BIRC6: variants seen among roughly 807,000 people sequenced by gnomAD.
BIRC6 encodes dual E2 ubiquitin-conjugating enzyme/E3 ubiquitin-protein ligase BIRC6.
Under a neutral mutation model 503.3 loss-of-function variants are expected in BIRC6, and 98 were observed. The observed-to-expected ratio is 0.19, with a 90% CI of 0.17 to 0.23. The LOEUF is 0.23. Among genes scored for constraint, BIRC6 ranks in the 10% least tolerant of loss-of-function variants. BIRC6 has a pLI of 1.00. For synonymous variants in BIRC6, 2,240 were observed against 2,078.7 expected (o/e 1.08, Z -2.11); for missense variants, 5,360 against 5,806.0 (o/e 0.92, Z 2.50).
chr2:32,510,096 TC>T, intron 52 of BIRC6, 102 bp downstream of exon 52: 1 of 1,345,602 alleles, frequency 7.4e-7, no homozygotes, highest in Non-Finnish European at 1.0e-6. Context: ...AATTATTTTT[TC>T]TTTTAGTTTA....
Position 32,464,607 on chromosome 2 carries a change from A to C in BIRC6, c.5040A>C (p.Pro1680=). The C allele has an allele frequency of 6.2e-7, 1 of 1,613,828 alleles. No homozygotes were observed. Among genetic ancestry groups the C allele is most frequent in the Admixed American group, 1.7e-5 (1 of 59,992 alleles). ...GPVHNSVPSN[P]VAAPGFFIHP... ...TTCACAACTCTGTGCCTTCCAACCC[A>C]GTGGCTGCCCCTGGATTCTTCATTC... Residue 1680 remains proline (P), a synonymous_variant, in exon 25 of 74, where the codon CCA becomes CCC. Coordinates refer to ENST00000421745, the MANE Select transcript of BIRC6 (RefSeq NM_016252.4).
At chr2:32,575,642 G>C (rs1189304704) in intron 66 of BIRC6, among the ~76,000 whole-genome samples, 2 of 152,184 alleles carry the variant, frequency 1.3e-5, no homozygotes, top group East Asian at 3.9e-4. Context: ...GCGGGCACCT[G>C]TAGTCCCAGC....
chr2:32,540,500 AT>A (rs1293385716), intron 61 of BIRC6, among the ~76,000 whole-genome samples: 1 of 152,008 alleles, frequency 6.6e-6, no homozygotes, highest in Non-Finnish European at 1.5e-5. Context: ...CAGAAATAAA[AT>A]TTCTTTGTTG....
chr2:32,512,469 T>TAA (rs1356049850), intron 53 of BIRC6, among the ~76,000 whole-genome samples: 1 of 152,186 alleles, frequency 6.6e-6, no homozygotes, highest in African/African-American at 2.4e-5. Flanking sequence ...CCTGTATTTT[T>TAA]AAAAGTACTA....
chr2:32,409,452 G>A (rs890912177), intron 9 of BIRC6, among the ~76,000 whole-genome samples: 1 of 152,112 alleles, frequency 6.6e-6, no homozygotes, highest in Non-Finnish European at 1.5e-5. Flanking sequence ...CACTGTGCCC[G>A]GCCTATTGAA....
intron 65 of BIRC6, among the ~76,000 whole-genome samples, chr2:32,556,225 CTG>C (rs1380934350): frequency 2.6e-5 from 4 of 152,062 alleles, no homozygotes; most frequent in African/African-American, 9.7e-5. Flanking sequence ...ATATATGACT[CTG>C]TGTTAAATAA....
At position 32,493,603 on chromosome 2, in the gene BIRC6, T is replaced by G; in HGVS notation, c.8404T>G (p.Ser2802Ala). The change falls in exon 45 of 74, where the codon TCA becomes GCA. Residue 2802 changes from serine to alanine, a missense_variant. Ser to Ala is a moderately conservative substitution (Grantham distance 99, BLOSUM62 1). Coordinates refer to ENST00000421745, the MANE Select transcript of BIRC6 (RefSeq NM_016252.4). ...FLTRLQVHLS[S>A]TCPQIFSEFL... ...TACTCGATTACAAGTGCATCTTTCT[T>G]CAACATGTCCTCAGATATTCAGTGA... 6.2e-7 allele frequency: 1 copy of G among 1,609,382 alleles called. No homozygotes were observed. Among genetic ancestry groups the G allele is most frequent in the Non-Finnish European group, 8.5e-7 (1 of 1,176,732 alleles).
chr2:32,407,926 A>G (rs1411898021), intron 9 of BIRC6, among the ~76,000 whole-genome samples: 1 of 152,050 alleles, frequency 6.6e-6, no homozygotes, highest in East Asian at 1.9e-4. Flanking sequence ...GTTCTTTTGC[A>G]AAAACATAAG....
chr2:32,524,165 C>G (rs1188520268), intron 57 of BIRC6, among the ~76,000 whole-genome samples: 1 of 151,988 alleles, frequency 6.6e-6, no homozygotes, highest in African/African-American at 2.4e-5. Context: ...ATATGATCAC[C>G]CATTTATTTT....
intron 33 of BIRC6, among the ~76,000 whole-genome samples, chr2:32,475,893 A>C (rs1162341104): frequency 6.6e-6 from 1 of 152,050 alleles, no homozygotes; most frequent in East Asian, 1.9e-4. Flanking sequence ...TATTTTTCTC[A>C]TTTATTTAAT....
At chr2:32,381,525 C>T (rs937996148) in intron 3 of BIRC6, among the ~76,000 whole-genome samples, 1 of 151,302 alleles carries the variant, frequency 6.6e-6, no homozygotes, top group African/African-American at 2.4e-5. Context: ...CAGGTGTGAA[C>T]CACTGCACCT....
intron 66 of BIRC6, among the ~76,000 whole-genome samples, chr2:32,590,076 C>T (rs907043301): frequency 5.3e-5 from 8 of 152,104 alleles, no homozygotes; most frequent in South Asian, 4.1e-4. Flanking sequence ...ATTTATAGTA[C>T]GGAGATCTTC....
intron 65 of BIRC6, among the ~76,000 whole-genome samples, chr2:32,550,354 C>T (rs990082594): frequency 1.2e-4 from 18 of 152,160 alleles, no homozygotes; most frequent in East Asian, 5.8e-4. Context: ...GATTATTGCC[C>T]GTATTCCCCA....
Position 32,535,894 on chromosome 2 carries a change from A to C in BIRC6, c.12291+4343A>C, listed in dbSNP as rs551427545. On this transcript the variant is annotated intron_variant, in intron 61 of 73. Transcript: ENST00000421745. ...AGGAATTGCTACACTGACTTCCACA[A>C]TGGTTGAACTAGTTTACAGTCCCAC... is the stretch of plus-strand genomic sequence containing the variant. Among the ~76,000 whole-genome samples the C allele has an allele frequency of 5.4e-4, 82 of 152,340 alleles. 1 individual carries two copies. The highest frequency in any genetic ancestry group is 4.4e-5 in the Non-Finnish European group (3 of 68,026).
chr2:32,422,240 C>T (rs540664778), intron 10 of BIRC6, among the ~76,000 whole-genome samples: 4 of 152,144 alleles, frequency 2.6e-5, no homozygotes, highest in Non-Finnish European at 5.9e-5. Flanking sequence ...AGTTGGATAA[C>T]CTGTACCTTT....
At chr2:32,380,063 T>C in intron 2 of BIRC6, 90 bp from the exon 3 acceptor site, 1 of 934,478 alleles carries the variant, frequency 1.1e-6, no homozygotes, top group Non-Finnish European at 1.5e-6. Flanking sequence ...CATTGCATAT[T>C]AAAATATCTG....
At position 32,477,668 on chromosome 2, in the gene BIRC6, G is replaced by A. The variant is rs1215137612; in HGVS notation, c.7068+85G>A. The A allele has an allele frequency of 3.9e-6, 4 of 1,037,020 alleles. No homozygotes were observed. The East Asian group carries it at 1.0e-4, about 27-fold the overall frequency. 64.2% of individuals were successfully genotyped at this position (1,037,020 alleles called of 1,614,324 possible). On this transcript the variant is annotated intron_variant, in intron 35 of 73. Coordinates refer to ENST00000421745, the MANE Select transcript of BIRC6 (RefSeq NM_016252.4). Reference sequence around the variant, plus strand: ...AATCCCAGCACTTTGGGAGACTGAGGTGGGTGGATTATCTGAGTCTAGGAG... The same window carrying A: ...AATCCCAGCACTTTGGGAGACTGAGATGGGTGGATTATCTGAGTCTAGGAG...
chr2:32,400,363 G>A (rs1301511813), intron 6 of BIRC6, among the ~76,000 whole-genome samples: 2 of 140,434 alleles, frequency 1.4e-5, no homozygotes, highest in Non-Finnish European at 3.1e-5. Flanking sequence ...TTTTGAGGTG[G>A]AGTCTCACTC....
chr2:32,501,453 T>C (rs2053184460), intron 46 of BIRC6, among the ~76,000 whole-genome samples: 1 of 152,216 alleles, frequency 6.6e-6, no homozygotes, highest in Admixed American at 6.5e-5. Flanking sequence ...TTTTAATCTC[T>C]AAGAGTCCAT....
Sources: gnomAD v4.1 joint callset for allele counts (sites outside exome capture counted in the v4.1 genomes callset) on GRCh38, gnomAD v4.1.1 for gene constraint, MANE v1.5 for transcripts, NCBI Gene and HGNC (gene_info 2026-07-23, HGNC 2026-07-21) for gene names.